SORCS3: variants seen among roughly 807,000 people sequenced by gnomAD.
The protein encoded by SORCS3 is VPS10 domain-containing receptor SorCS3.
Under a neutral mutation model 146.3 loss-of-function variants are expected in SORCS3, and 57 were observed. That is an observed-to-expected ratio of 0.39 (90% CI 0.31 to 0.49). The LOEUF is 0.49. SORCS3 is among the 20% of genes least tolerant of loss of function. The pLI is 0.92. For synonymous variants in SORCS3, 653 were observed against 618.5 expected, an observed-to-expected ratio of 1.06 and a Z score of -0.83; for missense variants, 1,341 against 1,575.5, an observed-to-expected ratio of 0.85 and a Z score of 2.52.
chr10:105,109,827 A>T (rs2055847650), intron 7 of SORCS3, among the ~76,000 whole-genome samples: 2 of 152,080 alleles, frequency 1.3e-5, no homozygotes, highest in Admixed American at 1.3e-4. Context: ...GATACCAATT[A>T]CTCATTAGTT....
intron 1 of SORCS3, among the ~76,000 whole-genome samples, chr10:104,809,200 T>A (rs1345583660): frequency 1.3e-5 from 2 of 152,230 alleles, no homozygotes; most frequent in African/African-American, 4.8e-5. Flanking sequence ...CTCCCAAGAC[T>A]TAGTGTCTTA....
intron 1 of SORCS3, among the ~76,000 whole-genome samples, chr10:104,799,040 G>C (rs1191695123): frequency 6.6e-6 from 1 of 152,146 alleles, no homozygotes; most frequent in Admixed American, 6.6e-5. Context: ...TAAAAAGTCA[G>C]GAAACAACAG....
intron 4 of SORCS3, among the ~76,000 whole-genome samples, chr10:105,026,032 C>T (rs1365284131): frequency 2.0e-5 from 3 of 152,124 alleles, no homozygotes; most frequent in Non-Finnish European, 4.4e-5. Context: ...TTCAGTACAG[C>T]AGCAAATTGT....
At chr10:105,164,529 G>T in intron 12 of SORCS3, 150 bp downstream of exon 12, 1 of 661,852 alleles carries the variant, frequency 1.5e-6, no homozygotes, top group Non-Finnish European at 2.7e-6. Flanking sequence ...TTGGCTGGCA[G>T]GTTAGAGGGG....
At chr10:104,646,138 A>G (rs922823340) in intron 1 of SORCS3, among the ~76,000 whole-genome samples, 29 of 152,348 alleles carry the variant, frequency 1.9e-4, no homozygotes, top group African/African-American at 6.7e-4. Context: ...GAGGGGCCGT[A>G]GGGAGAGGAG....
chr10:104,923,936 T>G (rs1234885886), intron 3 of SORCS3, among the ~76,000 whole-genome samples: 1 of 152,214 alleles, frequency 6.6e-6, no homozygotes, highest in Non-Finnish European at 1.5e-5. Flanking sequence ...GAGTTTGCTA[T>G]GTGCTGAAAA....
intron 14 of SORCS3, among the ~76,000 whole-genome samples, chr10:105,189,128 C>G (rs1345097930): frequency 6.6e-6 from 1 of 152,168 alleles, no homozygotes; most frequent in Non-Finnish European, 1.5e-5. Context: ...CTCTTCTTCC[C>G]TCACTTCTAG....
chr10:104,725,267 A>G (rs1448772331), intron 1 of SORCS3, among the ~76,000 whole-genome samples: 1 of 152,236 alleles, frequency 6.6e-6, no homozygotes, highest in African/African-American at 2.4e-5. Context: ...CCTGGGTATC[A>G]GCAGCGGAGG....
chr10:105,147,890 TTCCAG>T, intron 9 of SORCS3, 94 bp downstream of exon 9: 2 of 1,089,144 alleles, frequency 1.8e-6, no homozygotes, highest in Non-Finnish European at 1.3e-6. Context: ...TGGGTTCAGA[TTCCAG>T]CTGTACCACT....
chr10:105,160,073 A>G (rs924953316), intron 11 of SORCS3, among the ~76,000 whole-genome samples: 1 of 152,158 alleles, frequency 6.6e-6, no homozygotes, highest in Non-Finnish European at 1.5e-5. Context: ...TCTGCAATCC[A>G]TGTGGATTGG....
intron 14 of SORCS3, among the ~76,000 whole-genome samples, chr10:105,180,222 A>G (rs1474611315): frequency 6.6e-6 from 1 of 152,240 alleles, no homozygotes; most frequent in Admixed American, 6.5e-5. Context: ...GAGATAGCAG[A>G]GGAAAACGAA....
In SORCS3 at chr10:105,119,691, A is replaced by G. The variant is rs547703224; in HGVS notation, c.1212+14176A>G. 2.0e-5 allele frequency among the ~76,000 whole-genome samples: 3 copies of G among 152,296 alleles called. No individual in the cohort carries two copies. The East Asian group carries it at 5.8e-4, about 30-fold the overall frequency. ...AGATCATTTTGGAACTTTAAGGTTT[A>G]ATGGCTGCCCTATTGGATTTCGGAC... On this transcript the variant is annotated intron_variant, in intron 7 of 26. Transcript: ENST00000369701.
chr10:104,952,142 A>G (rs954551572), intron 3 of SORCS3, among the ~76,000 whole-genome samples: 10 of 150,732 alleles, frequency 6.6e-5, no homozygotes, highest in African/African-American at 2.0e-4. Context: ...AGAGCTTATT[A>G]GAAATGCACA....
At chr10:105,021,205 A>G (rs2055195781) in intron 4 of SORCS3, among the ~76,000 whole-genome samples, 1 of 152,184 alleles carries the variant, frequency 6.6e-6, no homozygotes, top group Non-Finnish European at 1.5e-5. Context: ...GCTGCTGGAA[A>G]GTCCAAGACT....
intron 6 of SORCS3, among the ~76,000 whole-genome samples, chr10:105,101,761 A>G (rs2055786792): frequency 6.6e-6 from 1 of 152,194 alleles, no homozygotes; most frequent in South Asian, 2.1e-4. Flanking sequence ...GTGTGGGAAT[A>G]AGAAGGTGTC....
chr10:104,717,925 C>G (rs543418689), intron 1 of SORCS3, among the ~76,000 whole-genome samples: 1 of 151,912 alleles, frequency 6.6e-6, no homozygotes, highest in African/African-American at 2.4e-5. Context: ...TGGATCATCT[C>G]AGGTCAGGAG....
intron 4 of SORCS3, among the ~76,000 whole-genome samples, chr10:104,977,981 C>T (rs759828940): frequency 4.6e-5 from 7 of 152,126 alleles, no homozygotes; most frequent in East Asian, 3.9e-4. Context: ...CCGCCCGCCT[C>T]GGCCTCCCAA....
intron 19 of SORCS3, among the ~76,000 whole-genome samples, chr10:105,218,598 T>C (rs1334229807): frequency 6.6e-6 from 1 of 152,226 alleles, no homozygotes; most frequent in African/African-American, 2.4e-5. Context: ...GTGGGTGATG[T>C]GCACGGTGTT....
At chr10:104,910,581 A>C (rs781549135) in intron 2 of SORCS3, among the ~76,000 whole-genome samples, 7 of 152,242 alleles carry the variant, frequency 4.6e-5, no homozygotes, top group Non-Finnish European at 1.0e-4. Context: ...GCTGCTGAAC[A>C]TATATCCTAT....
Sources: allele counts gnomAD v4.1 joint callset (sites outside exome capture counted in the v4.1 genomes callset), GRCh38; gene constraint gnomAD v4.1.1; transcripts MANE v1.5; gene names NCBI Gene and HGNC (gene_info 2026-07-23, HGNC 2026-07-21).